ELOA2: variants seen among roughly 807,000 people sequenced by gnomAD.
ELOA2 encodes the protein elongin-A2.
For missense variants in ELOA2, 1,271 were observed against 979.7 expected (o/e 1.30, Z -3.97); for synonymous variants, 497 against 398.8 (o/e 1.25, Z -2.94).
At position 47,033,507 on chromosome 18, in the gene ELOA2, C is replaced by T. The variant is rs188804235; in HGVS notation, c.1758G>A (p.Arg586=). The stretch of plus-strand genomic sequence containing the variant: ...CCTTGAAGTCCTGGAAACAATGATT[C>T]CTCCGTAATTCGTCTGTCTCTCTAA... ...ALVRETDELR[R]NHCFQDFKEE... Residue 586 remains arginine (R), a synonymous_variant, in exon 1 of 1, where the codon AGG becomes AGA. Transcript: ENST00000332567. 3.7e-6 allele frequency: 6 copies of T among 1,614,152 alleles called. No homozygotes were observed. Among genetic ancestry groups the T allele is most frequent in the East Asian group, 2.2e-5 (1 of 44,878 alleles).
chr18:47,034,352 G>T lies in ELOA2; in HGVS notation c.913C>A (p.Gln305Lys). 1.2e-6 allele frequency: 2 copies of T among 1,613,780 alleles called. No homozygotes were observed. Among genetic ancestry groups the T allele is most frequent in the Non-Finnish European group, 1.7e-6 (2 of 1,179,816 alleles). ...PALEEAPDSH[Q>K]KRPQHSHSNK... ...GAGTGACTGTGCTGAGGCCTCTTCT[G>T]GTGACTGTCTGGAGCCTCCTCCAAG... Residue 305 changes from glutamine to lysine, a missense_variant, in exon 1 of 1, where the codon CAG becomes AAG. By Grantham distance (53) the Gln-to-Lys change is moderately conservative. Transcript: ENST00000332567.
rs368096089 is a variant in ELOA2 at position 47,035,547 on chromosome 18, A to C, written c.-283T>G. 3 of 639,686 alleles carry C rather than the reference A, an allele frequency of 4.7e-6. 1 individual carries two copies. In the South Asian group the frequency reaches 6.0e-5, roughly 13 times the overall value. The allele number at this position is 639,686 out of a possible 1,614,324, so 39.6% of individuals were successfully genotyped here. Reference sequence around the variant, plus strand: ...GCAGTTTGCTGTGCAACAAAGAATGAAGCTCTGGTGCCAGAGCTGGGCCTT... The same window carrying C: ...GCAGTTTGCTGTGCAACAAAGAATGCAGCTCTGGTGCCAGAGCTGGGCCTT... On this transcript the variant is annotated 5_prime_UTR_variant, in exon 1 of 1. Transcript: ENST00000332567.
At position 47,033,405 on chromosome 18, in the gene ELOA2, T is replaced by A; in HGVS notation, c.1860A>T (p.Arg620Ser). 2 of 1,614,208 alleles carry A rather than the reference T, an allele frequency of 1.2e-6. No homozygotes were observed. Among genetic ancestry groups the A allele is most frequent in the Non-Finnish European group, 1.7e-6 (2 of 1,180,032 alleles). Residue 620 changes from arginine to serine, a missense_variant, in exon 1 of 1, where the codon AGA (arginine) becomes AGT (serine). Arg to Ser is a moderately radical substitution (Grantham distance 110, BLOSUM62 -1). Coordinates refer to ENST00000332567, the MANE Select transcript of ELOA2 (RefSeq NM_016427.3). ...CAGATCGGATATTCGTTGTCATTAC[T>A]CTCAGCCGCTGCTCTGGGGCGTCCG... is the stretch of plus-strand genomic sequence containing the variant. ...RLPDAPEQRL[R>S]VMTTNIRSAR...
At position 47,034,458 on chromosome 18, in the gene ELOA2, T is replaced by C; in HGVS notation, c.807A>G (p.Ala269=). The C allele has an allele frequency of 6.2e-7, 1 of 1,614,182 alleles. No individual in the cohort carries two copies. The highest frequency in any genetic ancestry group is 2.2e-5 in the East Asian group (1 of 44,876). The change falls in exon 1 of 1, where the codon GCA becomes GCG. Residue 269 remains alanine (A), a synonymous_variant. Transcript: ENST00000332567. ...REETPRMPSW[A]SARDRQPSDF... is the part of the protein sequence containing the mutation. ...CCGAAGGCTGCCTGTCCCTGGCACT[T>C]GCCCAGGAGGGCATCCTTGGGGTTT... is the stretch of plus-strand genomic sequence containing the variant.
In ELOA2 at chr18:47,033,773, G is replaced by C. The variant is rs549369877; in HGVS notation, c.1492C>G (p.Arg498Gly). The C allele has an allele frequency of 6.2e-7, 1 of 1,614,190 alleles. No homozygotes were observed. Among genetic ancestry groups the C allele is most frequent in the Non-Finnish European group, 8.5e-7 (1 of 1,180,044 alleles). Reference sequence around the variant, plus strand: ...CGTCCAGGGAAAGCAGCTTCCTCCCGGAACTTTGGTGAAGAGAGTGCTTCT... The same window carrying C: ...CGTCCAGGGAAAGCAGCTTCCTCCCCGAACTTTGGTGAAGAGAGTGCTTCT... ...KPEALSSPKF[R>G]EEAAFPGRRV... The change falls in exon 1 of 1, where the codon CGG (arginine) becomes GGG (glycine). Residue 498 changes from arginine to glycine, a missense_variant. Arg to Gly is a moderately radical substitution (Grantham distance 125). Coordinates refer to ENST00000332567, the MANE Select transcript of ELOA2 (RefSeq NM_016427.3).
Position 47,034,876 on chromosome 18 carries a change from C to T in ELOA2, c.389G>A (p.Arg130Gln), listed in dbSNP as rs955368469. The T allele has an allele frequency of 1.2e-6, 2 of 1,612,076 alleles. No individual in the cohort carries two copies. The highest frequency in any genetic ancestry group is 8.5e-7 in the Non-Finnish European group (1 of 1,179,922). Reference sequence around the variant, plus strand: ...CCCCGGAGGTGTTCTGCGTGCTGTCCGTCTGTGCTCAGGGCTGTGAGATGG... The same window carrying T: ...CCCCGGAGGTGTTCTGCGTGCTGTCTGTCTGTGCTCAGGGCTGTGAGATGG... ...RSPSHSPEHRRTARRTPPGQQ... is the reference protein window; with the variant it reads ...RSPSHSPEHRQTARRTPPGQQ... The change falls in exon 1 of 1, where the codon CGG becomes CAG. Residue 130 changes from arginine to glutamine, a missense_variant. Physicochemically the swap from Arg to Gln is conservative, Grantham distance 43. Transcript: ENST00000332567.
In ELOA2 at chr18:47,033,273, G is replaced by C; in HGVS notation, c.1992C>G (p.Asp664Glu). 6.2e-7 allele frequency: 1 copy of C among 1,613,504 alleles called. No individual in the cohort carries two copies. The highest frequency in any genetic ancestry group is 8.5e-7 in the Non-Finnish European group (1 of 1,180,046). ...TSRRQEKSAG[D>E]ADPENGEIKP... ...TGATCTCCCCATTTTCGGGGTCAGC[G>C]TCTCCTGCAGACTTCTCTTGCCTCC... The change falls in exon 1 of 1, where the codon GAC becomes GAG. Residue 664 changes from aspartate to glutamate, a missense_variant. Asp to Glu is a conservative substitution (Grantham distance 45). Coordinates refer to ENST00000332567, the MANE Select transcript of ELOA2 (RefSeq NM_016427.3).
At position 47,035,023 on chromosome 18, in the gene ELOA2, C is replaced by G. The variant is rs137863560; in HGVS notation, c.242G>C (p.Arg81Pro). The change falls in exon 1 of 1, where the codon CGA becomes CCA. Residue 81 changes from arginine (R) to proline (P), a missense_variant. Arg to Pro is a moderately radical substitution (Grantham distance 103). Transcript: ENST00000332567. The part of the protein sequence containing the change: ...ARWKKLVLVD[R>P]NTRPGPQDPE... ...GTCCTGTGGGCCAGGCCGGGTGTTT[C>G]GGTCCACGAGCACCAGCTTCTTCCA... The G allele has an allele frequency of 6.6e-5, 106 of 1,611,522 alleles. No individual in the cohort carries two copies. Among genetic ancestry groups the G allele is most frequent in the Non-Finnish European group, 6.7e-5 (79 of 1,179,614 alleles).
At position 47,033,201 on chromosome 18, in the gene ELOA2, C is replaced by G. The variant is rs746310172; in HGVS notation, c.2064G>C (p.Gln688His). 3 of 1,614,000 alleles carry G rather than the reference C, an allele frequency of 1.9e-6. No individual in the cohort carries two copies. The highest frequency in any genetic ancestry group is 1.3e-5 in the African/African-American group (1 of 74,938). ...TGTCTCTGCCACCGCCGCTGCTGCT[C>G]TGGCTGGAGGGAGTGTGGCTGCTTC... ...PAGSSHTPSSQSSSGGGRDSS... is the reference protein window; with the variant it reads ...PAGSSHTPSSHSSSGGGRDSS... The change falls in exon 1 of 1, where the codon CAG becomes CAC. Residue 688 changes from glutamine to histidine, a missense_variant. Gln to His is a conservative substitution (Grantham distance 24, BLOSUM62 0). Coordinates refer to ENST00000332567, the MANE Select transcript of ELOA2 (RefSeq NM_016427.3).
chr18:47,032,923 G>T lies in ELOA2; in HGVS notation c.*80C>A. 1.2e-6 allele frequency: 2 copies of T among 1,609,580 alleles called. No individual in the cohort carries two copies. The highest frequency in any genetic ancestry group is 1.7e-5 in the Admixed American group (1 of 59,894). Reference sequence around the variant, plus strand: ...AAGTTAAAGGTTCTGGTGTCCATTGGAAGTTTCGTTCCCCAACCCGCATTG... The same window carrying T: ...AAGTTAAAGGTTCTGGTGTCCATTGTAAGTTTCGTTCCCCAACCCGCATTG... On this transcript the variant is annotated 3_prime_UTR_variant, in exon 1 of 1. Transcript: ENST00000332567.
rs1336817564 is a variant in ELOA2, at chr18:47,033,904, A to T, written c.1361T>A (p.Val454Glu). 1 of 1,613,198 alleles carries T rather than the reference A, an allele frequency of 6.2e-7. No homozygotes were observed. The highest frequency in any genetic ancestry group is 1.1e-5 in the South Asian group (1 of 91,024). ...AGADSAGPKT[V>E]PSHVFSELWD... Reference sequence around the variant, plus strand: ...GAGCTCTGAGAAGACATGGCTGGGCACCGTTTTCGGCCCGGCGGAATCAGC... The same window carrying T: ...GAGCTCTGAGAAGACATGGCTGGGCTCCGTTTTCGGCCCGGCGGAATCAGC... Residue 454 changes from valine to glutamate, a missense_variant, in exon 1 of 1, where the codon GTG becomes GAG. By Grantham distance (121) the Val-to-Glu change is moderately radical (BLOSUM62 -2). Coordinates refer to ENST00000332567, the MANE Select transcript of ELOA2 (RefSeq NM_016427.3).
In ELOA2 at chr18:47,034,900, G is replaced by T. The variant is rs752530250; in HGVS notation, c.365C>A (p.Pro122Gln). 6 of 1,611,936 alleles carry T rather than the reference G, an allele frequency of 3.7e-6. No individual in the cohort carries two copies. In the African/African-American group the frequency reaches 8.0e-5, roughly 22 times the overall value. The change falls in exon 1 of 1, where the codon CCA becomes CAA. Residue 122 changes from proline to glutamine, a missense_variant. Physicochemically the swap from Pro to Gln is moderately conservative, Grantham distance 76 (BLOSUM62 -1). Transcript: ENST00000332567. ...FPENATAPRS[P>Q]SHSPEHRRTA... is the part of the protein sequence containing the mutation. ...CCGTCTGTGCTCAGGGCTGTGAGAT[G>T]GGCTCCTGGGGGCCGTCGCGTTTTC...
rs2060662426 is a variant in ELOA2 at position 47,034,548 on chromosome 18, G to A, written c.717C>T (p.Ala239=). The stretch of plus-strand genomic sequence containing the variant: ...AAGTAGGGGAGTGCCAATCTCCCTG[G>A]GCACACAAGGGGCGTTTTTCCTGGC... ...SSRQEKRPLC[A]QGDWHSPTLI... is the part of the protein sequence containing the mutation. Residue 239 remains alanine (A), a synonymous_variant, in exon 1 of 1, where the codon GCC becomes GCT. Transcript: ENST00000332567. 6.2e-7 allele frequency: 1 copy of A among 1,614,086 alleles called. No homozygotes were observed. The highest frequency in any genetic ancestry group is 1.7e-5 in the Admixed American group (1 of 60,006).
rs2060705459 is a variant in ELOA2, at chr18:47,035,114, T to C, written c.151A>G (p.Lys51Glu). The C allele has an allele frequency of 6.2e-7, 1 of 1,611,366 alleles. No homozygotes were observed. The highest frequency in any genetic ancestry group is 1.3e-5 in the African/African-American group (1 of 74,846). ...TGCTTCCGCAGGCGCTTCACCGTCTTTCTGATTCCAGTCTCCGCCAGGATG... is the reference window on the plus strand; with the variant it reads ...TGCTTCCGCAGGCGCTTCACCGTCTCTCTGATTCCAGTCTCCGCCAGGATG... ...ADILAETGIR[K>E]TVKRLRKHQH... The change falls in exon 1 of 1, where the codon AAG (lysine) becomes GAG (glutamate). Residue 51 changes from lysine (K) to glutamate (E), a missense_variant. Transcript: ENST00000332567.
In ELOA2 at chr18:47,033,360, G is replaced by T; in HGVS notation, c.1905C>A (p.Asn635Lys). The change falls in exon 1 of 1, where the codon AAC becomes AAA. Residue 635 changes from asparagine (N) to lysine (K), a missense_variant. By Grantham distance (94) the Asn-to-Lys change is moderately conservative. Transcript: ENST00000332567. Reference protein sequence around the residue: ...NIRSARGNNPNGREAKMICFK... With the variant: ...NIRSARGNNPKGREAKMICFK... ...AACAGATCATCTTTGCCTCTCTGCC[G>T]TTGGGGTTGTTTCCACGTGCAGATC... is the stretch of plus-strand genomic sequence containing the variant. 6.2e-7 allele frequency: 1 copy of T among 1,614,120 alleles called. No individual in the cohort carries two copies.
In ELOA2 at chr18:47,033,595, G is replaced by A. The variant is rs772184623; in HGVS notation, c.1670C>T (p.Pro557Leu). ...ATCGGGCCTCCACCCTTCCAGAACA[G>A]GTTCAAGAACCCAGTAGGGGACCTC... ...VGEVPYWVLE[P>L]VLEGWRPDQL... is the part of the protein sequence containing the mutation. Residue 557 changes from proline (P) to leucine (L), a missense_variant, in exon 1 of 1, where the codon CCT becomes CTT. Pro to Leu is a moderately conservative substitution (Grantham distance 98). Coordinates refer to ENST00000332567, the MANE Select transcript of ELOA2 (RefSeq NM_016427.3). 3 of 1,614,090 alleles carry A rather than the reference G, an allele frequency of 1.9e-6. No homozygotes were observed. Among genetic ancestry groups the A allele is most frequent in the Non-Finnish European group, 2.5e-6 (3 of 1,180,052 alleles).
In ELOA2 at chr18:47,034,477, G is replaced by A. The variant is rs2060658237; in HGVS notation, c.788C>T (p.Pro263Leu). Residue 263 changes from proline (P) to leucine (L), a missense_variant, in exon 1 of 1, where the codon CCA (proline) becomes CTA (leucine). Coordinates refer to ENST00000332567, the MANE Select transcript of ELOA2 (RefSeq NM_016427.3). ...SCGACLREET[P>L]RMPSWASARD... ...GGCACTTGCCCAGGAGGGCATCCTT[G>A]GGGTTTCCTCTCTTAAGCAGGCCCC... 1 of 1,614,138 alleles carries A rather than the reference G, an allele frequency of 6.2e-7. No homozygotes were observed. The highest frequency in any genetic ancestry group is 1.7e-5 in the Admixed American group (1 of 60,028).
Position 47,032,830 on chromosome 18 carries a change from G to T in ELOA2, c.*173C>A. 7.9e-7 allele frequency: 1 copy of T among 1,265,828 alleles called. No individual in the cohort carries two copies. The highest frequency in any genetic ancestry group is 1.1e-6 in the Non-Finnish European group (1 of 916,964). The allele number at this position is 1,265,828 out of a possible 1,614,324, so 78.4% of individuals were successfully genotyped here. On this transcript the variant is annotated 3_prime_UTR_variant, in exon 1 of 1. Coordinates refer to ENST00000332567, the MANE Select transcript of ELOA2 (RefSeq NM_016427.3). ...TCTCCAAGCTGGGAGGTAGTGGCTGGGTGTGGGAGGCAAAATCACAGGGCC... is the reference window on the plus strand; with the variant it reads ...TCTCCAAGCTGGGAGGTAGTGGCTGTGTGTGGGAGGCAAAATCACAGGGCC...
chr18:47,035,379 C>A lies in ELOA2; in HGVS notation c.-115G>T. ...CGCTGCCCGGTCGCCAGGCAGCGAC[C>A]TCGGGATGTGGAGTCACAGCCTGGA... On this transcript the variant is annotated 5_prime_UTR_variant, in exon 1 of 1. The change creates a new upstream start codon in the 5' untranslated region. Transcript: ENST00000332567. 1 of 1,549,030 alleles carries A rather than the reference C, an allele frequency of 6.5e-7. No homozygotes were observed. Among genetic ancestry groups the A allele is most frequent in the South Asian group, 1.2e-5 (1 of 82,214 alleles).
Sources: gnomAD v4.1 joint callset for allele counts on GRCh38, gnomAD v4.1.1 for gene constraint, MANE v1.5 for transcripts, NCBI Gene and HGNC (gene_info 2026-07-23, HGNC 2026-07-21) for gene names.